Variants in ECM2 observed in about 807,000 individuals in gnomAD.
The protein encoded by ECM2 is extracellular matrix protein 2, also known as extracellular matrix protein 2, female organ and adipocyte specific.
ECM2 carries 57 observed loss-of-function variants against 67.5 expected under a neutral mutation model. The observed-to-expected ratio is 0.84, with a 90% confidence interval of 0.68 to 1.05. ECM2 has a LOEUF of 1.05. Ranked by LOEUF, ECM2 falls within the 50% of genes least tolerant of loss-of-function variation. The pLI, the probability that ECM2 is intolerant of heterozygous loss-of-function variation, is 0.00. For missense variants in ECM2, 741 were observed against 822.8 expected (o/e 0.90, Z 1.22); for synonymous variants, 258 against 294.5 (o/e 0.88, Z 1.27).
intron 7 of ECM2, 47 bp from the exon 8 acceptor site, chr9:92,502,699 T>C (rs950170966): frequency 1.4e-6 from 2 of 1,433,050 alleles, no homozygotes; most frequent in Non-Finnish European, 1.9e-6. Context: ...TGTTAGTTGA[T>C]ACGTTCAATT....
At chr9:92,511,897 A>G in intron 5 of ECM2, 114 bp downstream of exon 5, 1 of 694,532 alleles carries the variant, frequency 1.4e-6, no homozygotes, top group Non-Finnish European at 2.4e-6. Flanking sequence ...AAACTTTCTT[A>G]GAAGAAGACT....
At chr9:92,545,391 C>T in the ECM2 span, among the ~76,000 whole-genome samples, 3 of 152,196 alleles carry the variant, frequency 2.0e-5, no homozygotes, top group African/African-American at 7.2e-5. Context: ...CTTAGCACCC[C>T]GGCCAGCAGC....
intron 6 of ECM2, among the ~76,000 whole-genome samples, chr9:92,508,867 A>T (rs1024010764): frequency 9.2e-5 from 14 of 152,098 alleles, no homozygotes; most frequent in African/African-American, 3.1e-4. Context: ...ATAAATAAAA[A>T]CATAATATGT....
chr9:92,502,184 T>C (rs1045220887), intron 8 of ECM2, among the ~76,000 whole-genome samples: 1 of 152,176 alleles, frequency 6.6e-6, no homozygotes, highest in Non-Finnish European at 1.5e-5. Context: ...TGACCACTAG[T>C]GGGCAGACCT....
chr9:92,506,233 G>C (rs1195414000), intron 6 of ECM2, among the ~76,000 whole-genome samples: 3 of 152,166 alleles, frequency 2.0e-5, no homozygotes, highest in Admixed American at 2.0e-4. Context: ...TCTGAACAAG[G>C]GAGTCAGAAG....
At chr9:92,533,328 A>AAAAAAAAAAAAAAAATATATATATATAT in intron 1 of ECM2, among the ~76,000 whole-genome samples, 1 of 38,332 alleles carries the variant, frequency 2.6e-5, no homozygotes, top group Non-Finnish European at 4.3e-5. Flanking sequence ...AAAAAAAAAA[A>AAAAAAAAAAAAAAAATATATATATATAT]ATATATATAT....
chr9:92,528,133 G>A (rs1008981174), intron 1 of ECM2: 1 of 152,262 alleles, frequency 6.6e-6, no homozygotes, highest in Non-Finnish European at 1.5e-5. Flanking sequence ...GAGTAATAGG[G>A]ACTACGTATA....
intron 3 of ECM2, 130 bp from the exon 4 acceptor site, chr9:92,515,333 G>T: frequency 1.6e-6 from 2 of 1,215,804 alleles, no homozygotes; most frequent in Non-Finnish European, 2.1e-6. Context: ...AAGATGAAAT[G>T]CACCTTGAAA....
intron 1 of ECM2, among the ~76,000 whole-genome samples, chr9:92,533,610 T>C (rs967898611): frequency 6.6e-6 from 1 of 151,946 alleles, no homozygotes; most frequent in African/African-American, 2.4e-5. Flanking sequence ...GGTCTAATGA[T>C]CTGACTTGCC....
chr9:92,551,949 AT>A, the ECM2 span, among the ~76,000 whole-genome samples: 13 of 122,734 alleles, frequency 1.1e-4, no homozygotes, highest in African/African-American at 3.7e-4. Flanking sequence ...ATATATATAT[AT>A]ATGATATATA....
In ECM2 at chr9:92,502,566, A is replaced by G; in HGVS notation, c.1551T>C (p.Arg517=). ...HTRKINVIVL[R]YNKIEENRIA... ...TCCTATTTTCTTCAATTTTGTTATA[A>G]CGTAGTACAATGACATTGATCTTTC... Residue 517 remains arginine (R), a synonymous_variant, in exon 8 of 10, where the codon CGT becomes CGC. Coordinates refer to ENST00000344604, the MANE Select transcript of ECM2 (RefSeq NM_001393.4). 6.2e-7 allele frequency: 1 copy of G among 1,612,500 alleles called. No homozygotes were observed. The highest frequency in any genetic ancestry group is 8.5e-7 in the Non-Finnish European group (1 of 1,179,108).
intron 1 of ECM2, among the ~76,000 whole-genome samples, chr9:92,532,022 T>TTTTTG: frequency 7.8e-6 from 1 of 127,954 alleles, no homozygotes; most frequent in African/African-American, 3.6e-5. Flanking sequence ...AATGTTTTTT[T>TTTTTG]TTTTTTATTT....
Position 92,514,994 on chromosome 9 carries a change from G to A in ECM2, c.691C>T (p.Pro231Ser). Residue 231 changes from proline (P) to serine (S), a missense_variant, in exon 4 of 10, where the codon CCT becomes TCT. By Grantham distance (74) the Pro-to-Ser change is moderately conservative. Transcript: ENST00000344604. Reference protein sequence around the residue: ...EEDTEQKRETPESRNQGQLYS... With the variant: ...EEDTEQKRETSESRNQGQLYS... ...AGTTGCCCCTGATTTCTAGATTCAG[G>A]GGTCTCTCTCTTTTGCTCTGTATCT... 2 of 1,613,954 alleles carry A rather than the reference G, an allele frequency of 1.2e-6. No individual in the cohort carries two copies. Among genetic ancestry groups the A allele is most frequent in the Non-Finnish European group, 1.7e-6 (2 of 1,179,984 alleles).
At chr9:92,513,260 A>G (rs538705987) in intron 4 of ECM2, among the ~76,000 whole-genome samples, 3 of 152,184 alleles carry the variant, frequency 2.0e-5, no homozygotes, top group Admixed American at 2.0e-4. Context: ...CTAGATGACC[A>G]CATTCCCTCT....
chr9:92,558,127 A>G, the ECM2 span, among the ~76,000 whole-genome samples: 1 of 152,054 alleles, frequency 6.6e-6, no homozygotes, highest in Non-Finnish European at 1.5e-5. Flanking sequence ...AAGCTCCTGA[A>G]TTCTTTTTCA....
chr9:92,552,190 T>TATATGTGATATGATAGATCTATCATATAC, the ECM2 span, among the ~76,000 whole-genome samples: 5 of 106,436 alleles, frequency 4.7e-5, no homozygotes, highest in African/African-American at 2.0e-4. Context: ...ATCTATCATA[T>TATATGTGATATGATAGATCTATCATATAC]ACACACACAC....
At chr9:92,547,687 G>T in the ECM2 span, among the ~76,000 whole-genome samples, 1 of 152,188 alleles carries the variant, frequency 6.6e-6, no homozygotes, top group Non-Finnish European at 1.5e-5. Context: ...CTGTTAATGG[G>T]TACAGGGTTT....
chr9:92,494,449 A>C (rs1564351942), downstream of ECM2, among the ~76,000 whole-genome samples: 1 of 152,204 alleles, frequency 6.6e-6, no homozygotes, highest in South Asian at 2.1e-4. Context: ...TCCTAAACTG[A>C]TTATGAAGCT....
downstream of ECM2, chr9:92,494,157 A>C (rs1216232412): frequency 6.3e-7 from 1 of 1,596,674 alleles, no homozygotes; most frequent in Non-Finnish European, 8.5e-7. Context: ...CAGCTGAATA[A>C]AGTCAGAGTA....
Sources: allele counts gnomAD v4.1 joint callset (sites outside exome capture counted in the v4.1 genomes callset), GRCh38; gene constraint gnomAD v4.1.1; transcripts MANE v1.5; gene names NCBI Gene and HGNC (gene_info 2026-07-23, HGNC 2026-07-21).